Variants in ZNF728 observed in about 807,000 individuals in gnomAD.
ZNF728 encodes zinc finger protein 728.
Under a neutral mutation model 12.5 loss-of-function variants are expected in ZNF728, and 12 were observed. The ratio of observed to expected loss-of-function variants is 0.96; its 90% CI spans 0.61 to 1.55. ZNF728 has a LOEUF of 1.55. Ranked by LOEUF, ZNF728 falls within the 40% of genes most tolerant of loss-of-function variation. The pLI is 0.00. For missense variants in ZNF728, 692 were observed against 719.2 expected (o/e 0.96, Z 0.43); for synonymous variants, 205 against 240.7 (o/e 0.85, Z 1.37).
intron 3 of ZNF728, among the ~76,000 whole-genome samples, chr19:22,981,146 AAAG>A (rs1428463191): frequency 3.0e-4 from 46 of 152,190 alleles, no homozygotes; most frequent in South Asian, 2.1e-3. Flanking sequence ...CCAGTCTAAT[AAAG>A]AAGAAAGGAG....
At chr19:22,985,260 A>T (rs1339679444) in intron 3 of ZNF728, among the ~76,000 whole-genome samples, 2 of 152,220 alleles carry the variant, frequency 1.3e-5, no homozygotes, top group Non-Finnish European at 2.9e-5. Context: ...AGAAGCAGAT[A>T]AAAAGAAAAA....
Position 22,975,694 on chromosome 19 carries a change from G to A in ZNF728, c.1643C>T (p.Ser548Phe), listed in dbSNP as rs1277390376. 6.2e-7 allele frequency: 1 copy of A among 1,611,198 alleles called. No homozygotes were observed. Among genetic ancestry groups the A allele is most frequent in the Admixed American group, 1.7e-5 (1 of 59,870 alleles). ...TCTCTTATGTTCACTAAGTCTTGAG[G>A]ACCAGATGAAGGCTTTGCCACATTC... ...CEECGKAFIW[S>F]SRLSEHKRIH... Residue 548 changes from serine to phenylalanine, a missense_variant, in exon 4 of 4, where the codon TCC becomes TTC. Ser to Phe is a radical substitution (Grantham distance 155). Coordinates refer to ENST00000594710, the MANE Select transcript of ZNF728 (RefSeq NM_001267716.2).
chr19:22,989,468 C>T (rs1322836165), intron 1 of ZNF728, among the ~76,000 whole-genome samples: 1 of 152,156 alleles, frequency 6.6e-6, no homozygotes, highest in African/African-American at 2.4e-5. Flanking sequence ...GGTTTGTTCA[C>T]ATCAGCTGCA....
chr19:22,979,626 T>A (rs1160308476), intron 3 of ZNF728, among the ~76,000 whole-genome samples: 1 of 124,242 alleles, frequency 8.0e-6, no homozygotes, highest in Admixed American at 7.0e-5. Flanking sequence ...AAGGTCGAGA[T>A]ACCCAAATGG....
intron 1 of ZNF728, among the ~76,000 whole-genome samples, chr19:22,998,366 A>AT (rs952176727): frequency 4.0e-5 from 6 of 151,866 alleles, no homozygotes; most frequent in African/African-American, 1.5e-4. Context: ...AAAAAAAAAA[A>AT]AACATAAAGA....
intron 1 of ZNF728, among the ~76,000 whole-genome samples, chr19:22,989,649 G>A (rs545596663): frequency 6.6e-6 from 1 of 152,160 alleles, no homozygotes; most frequent in South Asian, 2.1e-4. Flanking sequence ...CCCCCAAAAG[G>A]TAAATTATAG....
At chr19:22,990,117 T>C (rs1197441853) in intron 1 of ZNF728, among the ~76,000 whole-genome samples, 3 of 152,190 alleles carry the variant, frequency 2.0e-5, no homozygotes, top group East Asian at 3.9e-4. Context: ...TTGACTATTG[T>C]AAGAATTTTT....
intron 1 of ZNF728, among the ~76,000 whole-genome samples, chr19:22,988,787 C>T (rs289301): frequency 0.31 from 46,531 of 152,014 alleles, 9,241 homozygotes; most frequent in African/African-American, 0.57. Flanking sequence ...CGTGGTGGCT[C>T]ATGCCTGTAA....
chr19:22,998,354 T>TA (rs35334611), intron 1 of ZNF728, among the ~76,000 whole-genome samples: 9,861 of 137,888 alleles, frequency 0.072, 774 homozygotes, highest in African/African-American at 0.2. Flanking sequence ...ATCCCATCTA[T>TA]AAAAAAAAAA....
chr19:22,999,164 T>C (rs1277987266), intron 1 of ZNF728, among the ~76,000 whole-genome samples: 1 of 152,180 alleles, frequency 6.6e-6, no homozygotes. Context: ...CTTATTTGCT[T>C]TTCCCTAGGA....
chr19:22,996,220 C>A (rs1969049091), intron 1 of ZNF728, among the ~76,000 whole-genome samples: 1 of 149,936 alleles, frequency 6.7e-6, no homozygotes, highest in Admixed American at 6.6e-5. Context: ...GTATGAATAA[C>A]AATATTAAAA....
rs552205092 is a variant in ZNF728, at chr19:22,994,654, A to G, written c.4-6203T>C. Among the ~76,000 whole-genome samples, 3 of 152,338 alleles carry G rather than the reference A, an allele frequency of 2.0e-5. No individual in the cohort carries two copies. The East Asian group carries it at 5.8e-4, about 29-fold the overall frequency. ...CTAATTGGTTATAATCAATGACAAAATAAACTTTTCACATCTTCATGACTG... is the reference window on the plus strand; with the variant it reads ...CTAATTGGTTATAATCAATGACAAAGTAAACTTTTCACATCTTCATGACTG... On this transcript the variant is annotated intron_variant, in intron 1 of 3. Transcript: ENST00000594710.
chr19:22,996,480 T>A (rs1969051127), intron 1 of ZNF728, among the ~76,000 whole-genome samples: 2 of 152,206 alleles, frequency 1.3e-5, no homozygotes, highest in South Asian at 4.1e-4. Flanking sequence ...GCCAAAGAAC[T>A]TACTCAGTAT....
Position 22,976,840 on chromosome 19 carries a change from C to G in ZNF728, c.497G>C (p.Arg166Thr), listed in dbSNP as rs573762059. The G allele has an allele frequency of 7.4e-6, 12 of 1,613,076 alleles. No individual in the cohort carries two copies. The African/African-American group carries it at 1.5e-4, about 20-fold the overall frequency. ...KCSNSKRHKI[R>T]HTGKKLLKCK... ...TTTCAAAAGTTTCTTTCCAGTATGC[C>G]TTATCTTATGTCTTTTTGAATTTGA... The change falls in exon 4 of 4, where the codon AGG (arginine) becomes ACG (threonine). Residue 166 changes from arginine to threonine, a missense_variant. By Grantham distance (71) the Arg-to-Thr change is moderately conservative. Around this residue, in one of 3 missense-constraint regions of ZNF728, gnomAD observed 440 missense variants for 459.6 expected, o/e 0.96. Coordinates refer to ENST00000594710, the MANE Select transcript of ZNF728 (RefSeq NM_001267716.2).
chr19:23,001,124 A>G (rs1269737377), intron 1 of ZNF728, among the ~76,000 whole-genome samples: 1 of 152,120 alleles, frequency 6.6e-6, no homozygotes, highest in Non-Finnish European at 1.5e-5. Flanking sequence ...CACTGGGGTC[A>G]GTTGTTTTTG....
intron 2 of ZNF728, among the ~76,000 whole-genome samples, chr19:22,987,936 A>C (rs566734373): frequency 2.6e-5 from 4 of 152,354 alleles, no homozygotes; most frequent in African/African-American, 9.6e-5. Flanking sequence ...TCATGAATGC[A>C]GAATGTGGGC....
At chr19:22,988,636 A>C (rs1246254455) in intron 1 of ZNF728, among the ~76,000 whole-genome samples, 185 bp from the exon 2 acceptor site, 2 of 152,254 alleles carry the variant, frequency 1.3e-5, no homozygotes, top group Admixed American at 1.3e-4. Flanking sequence ...CTCTGAGAAA[A>C]GAAAGTGGTA....
chr19:22,984,694 A>G (rs550287814), intron 3 of ZNF728, among the ~76,000 whole-genome samples: 231 of 152,158 alleles, frequency 1.5e-3, no homozygotes, highest in Non-Finnish European at 2.9e-3. Flanking sequence ...CATTGTAAAG[A>G]TGTTCATCCT....
At chr19:22,985,599 C>CTACA (rs1330475143) in intron 3 of ZNF728, 1 of 152,234 alleles carries the variant, frequency 6.6e-6, no homozygotes, top group Non-Finnish European at 1.5e-5. Flanking sequence ...CTGCTCTTGA[C>CTACA]TACAGACCAG....
Sources: allele counts gnomAD v4.1 joint callset (sites outside exome capture counted in the v4.1 genomes callset), GRCh38; gene constraint gnomAD v4.1.1; regional missense constraint gnomAD v4.1.1; transcripts MANE v1.5; gene names NCBI Gene and HGNC (gene_info 2026-07-23, HGNC 2026-07-21).